PPP1R16A: variants seen among roughly 807,000 people sequenced by gnomAD.
PPP1R16A encodes the protein myosin phosphatase-targeting subunit 3.
In PPP1R16A, 39 loss-of-function variants were observed where a neutral mutation model predicts 46.6. The ratio of observed to expected loss-of-function variants is 0.84; its 90% CI spans 0.65 to 1.09. The LOEUF (loss-of-function observed/expected upper bound fraction) is 1.09. Among genes scored for constraint, PPP1R16A ranks in the 50% least tolerant of loss-of-function variants. PPP1R16A has a pLI of 0.00. For synonymous variants in PPP1R16A, 413 were observed against 321.5 expected, an observed-to-expected ratio of 1.28 and a Z score of -3.04; for missense variants, 798 against 735.6, an observed-to-expected ratio of 1.08 and a Z score of -0.98.
chr8:144,498,712 A>G, intron 3 of PPP1R16A, 58 bp from the exon 4 acceptor site: 2 of 1,500,778 alleles, frequency 1.3e-6, no homozygotes, highest in Non-Finnish European at 1.8e-6. Context: ...GCCGAAGCAC[A>G]GTTGACAGGA....
Position 144,497,254 on chromosome 8 carries a change from G to A in PPP1R16A, c.60G>A (p.Gln20=), listed in dbSNP as rs1378008697. The part of the protein sequence containing the change: ...EMPMVGRMST[Q]ERLKHAQKRR... ...CCATGGTGGGCAGGATGAGCACACAGGAGCGGCTGAAGCATGCCCAGAAGC... is the reference window on the plus strand; with the variant it reads ...CCATGGTGGGCAGGATGAGCACACAAGAGCGGCTGAAGCATGCCCAGAAGC... The change falls in exon 3 of 12, where the codon CAG becomes CAA. Residue 20 remains glutamine (Q), a synonymous_variant. Transcript: ENST00000435887. 1 of 1,608,264 alleles carries A rather than the reference G, an allele frequency of 6.2e-7. No individual in the cohort carries two copies. The highest frequency in any genetic ancestry group is 2.2e-5 in the East Asian group (1 of 44,660).
chr8:144,485,209 T>C (rs1825590301), intron 1 of PPP1R16A, among the ~76,000 whole-genome samples: 1 of 21,824 alleles, frequency 4.6e-5, no homozygotes, highest in Non-Finnish European at 7.5e-5. Flanking sequence ...AAGAATAGAA[T>C]CTCAAAAAAA....
intron 1 of PPP1R16A, 81 bp downstream of exon 1, chr8:144,478,208 C>T (rs1036467606): frequency 5.1e-6 from 2 of 390,134 alleles, no homozygotes; most frequent in Non-Finnish European, 9.1e-6. Flanking sequence ...GTGGCGGGCC[C>T]GGGAAGGAGG....
intron 5 of PPP1R16A, 63 bp from the exon 6 acceptor site, chr8:144,500,033 A>G: frequency 6.5e-7 from 1 of 1,527,894 alleles, no homozygotes; most frequent in Non-Finnish European, 8.9e-7. Context: ...GACTTCTCCA[A>G]GTGAGGAGCC....
chr8:144,480,665 T>C (rs1476687327), intron 1 of PPP1R16A, among the ~76,000 whole-genome samples: 1 of 151,826 alleles, frequency 6.6e-6, no homozygotes, highest in Non-Finnish European at 1.5e-5. Flanking sequence ...TTTGTACTTT[T>C]AGTAGAGATG....
intron 1 of PPP1R16A, among the ~76,000 whole-genome samples, chr8:144,483,312 C>G (rs1460278096): frequency 1.3e-5 from 2 of 152,228 alleles, no homozygotes; most frequent in African/African-American, 4.8e-5. Flanking sequence ...CAAAGGCTTT[C>G]CTCCTGTTTC....
At position 144,499,012 on chromosome 8, in the gene PPP1R16A, G is replaced by GCTGCGGCCAC. The variant is rs756534929; in HGVS notation, c.442_451dup (p.His151ArgfsTer28). The GCTGCGGCCAC allele has an allele frequency of 3.8e-6, 6 of 1,595,088 alleles. No individual in the cohort carries two copies. Among genetic ancestry groups the GCTGCGGCCAC allele is most frequent in the South Asian group, 1.1e-5 (1 of 90,734 alleles). On this transcript the variant is annotated frameshift_variant, in exon 5 of 12. Coordinates refer to ENST00000435887, the MANE Select transcript of PPP1R16A (RefSeq NM_001329443.2). LOFTEE classifies it high-confidence loss of function. Reference sequence around the variant, plus strand: ...CAGTGAGTGCTGGACGCCTCTGCATGCTGCGGCCACCTGCGGCCACCTGCA... The same window carrying GCTGCGGCCAC: ...CAGTGAGTGCTGGACGCCTCTGCATGCTGCGGCCACCTGCGGCCACCTGCGGCCACCTGCA...
chr8:144,484,740 C>T (rs947188630), intron 1 of PPP1R16A, among the ~76,000 whole-genome samples: 5 of 152,196 alleles, frequency 3.3e-5, no homozygotes, highest in Non-Finnish European at 7.3e-5. Context: ...TCATGGTTAG[C>T]GGGCCAGTCC....
At chr8:144,482,783 G>A (rs1304710761) in intron 1 of PPP1R16A, among the ~76,000 whole-genome samples, 1 of 151,976 alleles carries the variant, frequency 6.6e-6, no homozygotes, top group Non-Finnish European at 1.5e-5. Flanking sequence ...CGAGTAGCTG[G>A]GACTACAGGC....
In PPP1R16A at chr8:144,500,828, C is replaced by T. The variant is rs757892583; in HGVS notation, c.908-14C>T. The T allele has an allele frequency of 5.7e-6, 9 of 1,586,780 alleles. No individual in the cohort carries two copies. The highest frequency in any genetic ancestry group is 6.8e-6 in the Non-Finnish European group (8 of 1,167,904). ...GCGGGGAGGGCGCCCCTGACGCCTGCGCCCACTTCTCAGATGTGTGCGGGG... is the reference window on the plus strand; with the variant it reads ...GCGGGGAGGGCGCCCCTGACGCCTGTGCCCACTTCTCAGATGTGTGCGGGG... On this transcript the variant is annotated splice_polypyrimidine_tract_variant and intron_variant, in intron 9 of 11. Coordinates refer to ENST00000435887, the MANE Select transcript of PPP1R16A (RefSeq NM_001329443.2).
chr8:144,499,035 G>T lies in PPP1R16A; in HGVS notation c.450G>T (p.Leu150=), dbSNP rs765095984. 1.9e-6 allele frequency: 3 copies of T among 1,587,100 alleles called. No individual in the cohort carries two copies. The South Asian group carries it at 3.3e-5, about 18-fold the overall frequency. Residue 150 remains leucine (L), a synonymous_variant, in exon 5 of 12, where the codon CTG becomes CTT. Coordinates refer to ENST00000435887, the MANE Select transcript of PPP1R16A (RefSeq NM_001329443.2). ...ATGCTGCGGCCACCTGCGGCCACCT[G>T]CACCTGGTGGAGCTGCTCATCGCCA... is the stretch of plus-strand genomic sequence containing the variant. ...PLHAAATCGH[L]HLVELLIASG...
In PPP1R16A at chr8:144,497,200, C is replaced by T. The variant is rs199970872; in HGVS notation, c.6C>T (p.Ala2=). ...GTGGGCAAGCAGCCGCCGCCATGGCCGAGCACCTGGAGCTGCTGGCAGAGA... is the reference window on the plus strand; with the variant it reads ...GTGGGCAAGCAGCCGCCGCCATGGCTGAGCACCTGGAGCTGCTGGCAGAGA... The part of the protein sequence containing the change: M[A]EHLELLAEMP... The change falls in exon 3 of 12, where the codon GCC becomes GCT. Residue 2 remains alanine, a synonymous_variant. Coordinates refer to ENST00000435887, the MANE Select transcript of PPP1R16A (RefSeq NM_001329443.2). 164 of 1,568,354 alleles carry T rather than the reference C, an allele frequency of 1.0e-4. No individual in the cohort carries two copies. The highest frequency in any genetic ancestry group is 4.1e-4 in the Middle Eastern group (2 of 4,844).
At position 144,500,508 on chromosome 8, in the gene PPP1R16A, G is replaced by A. The variant is rs1444499151; in HGVS notation, c.727G>A (p.Gly243Arg). ...ATLLHVAAAN[G>R]FSEAAALLLE... ...GCAGCTGCACGTCGCAGCCGCCAAC[G>A]GGTTCAGCGAGGCGGCTGCCCTGCT... The change falls in exon 8 of 12, where the codon GGG (glycine) becomes AGG (arginine). Residue 243 changes from glycine to arginine, a missense_variant. Coordinates refer to ENST00000435887, the MANE Select transcript of PPP1R16A (RefSeq NM_001329443.2). 6.3e-7 allele frequency: 1 copy of A among 1,589,004 alleles called. No homozygotes were observed. Among genetic ancestry groups the A allele is most frequent in the Admixed American group, 1.7e-5 (1 of 58,532 alleles).
intron 1 of PPP1R16A, among the ~76,000 whole-genome samples, chr8:144,482,269 C>T (rs373044423): frequency 1.3e-5 from 2 of 152,076 alleles, no homozygotes; most frequent in African/African-American, 2.4e-5. Flanking sequence ...GACGGGGTTT[C>T]TCCATGTTGG....
chr8:144,491,565 T>C (rs543618343), intron 2 of PPP1R16A, among the ~76,000 whole-genome samples: 5 of 152,160 alleles, frequency 3.3e-5, no homozygotes, highest in South Asian at 2.1e-4. Flanking sequence ...AGATCGAGAC[T>C]ATCCTGGCTA....
In PPP1R16A at chr8:144,500,512, T is replaced by A. The variant is rs745822646; in HGVS notation, c.731T>A (p.Phe244Tyr). 32 of 1,589,962 alleles carry A rather than the reference T, an allele frequency of 2.0e-5. No homozygotes were observed. The highest frequency in any genetic ancestry group is 1.7e-4 in the Middle Eastern group (1 of 5,984). Residue 244 changes from phenylalanine to tyrosine, a missense_variant, in exon 8 of 12, where the codon TTC becomes TAC. Phe to Tyr is a conservative substitution (Grantham distance 22, BLOSUM62 3). Transcript: ENST00000435887. Reference protein sequence around the residue: ...TLLHVAAANGFSEAAALLLEH... With the variant: ...TLLHVAAANGYSEAAALLLEH... Reference sequence around the variant, plus strand: ...CTGCACGTCGCAGCCGCCAACGGGTTCAGCGAGGCGGCTGCCCTGCTGCTG... The same window carrying A: ...CTGCACGTCGCAGCCGCCAACGGGTACAGCGAGGCGGCTGCCCTGCTGCTG...
At chr8:144,500,996 CGCCCCGGGCTTGGCCCCGCGGACGTCA>C in intron 10 of PPP1R16A, 25 bp downstream of exon 10, 5 of 1,434,842 alleles carry the variant, frequency 3.5e-6, no homozygotes, top group East Asian at 2.8e-5. Flanking sequence ...CAGCAGGCCC[CGCCCCGGGCTTGGCCCCGCGGACGTCA>C]GCCCCGGGCG....
In PPP1R16A at chr8:144,497,315, GAGA is replaced by G. The variant is rs1826122630; in HGVS notation, c.124_126del (p.Lys42del). 1 of 1,612,616 alleles carries G rather than the reference GAGA, an allele frequency of 6.2e-7. No homozygotes were observed. Among genetic ancestry groups the G allele is most frequent in the Non-Finnish European group, 8.5e-7 (1 of 1,179,830 alleles). ...GCAGGTGAAGATGTGGGCCCAGGCT[GAGA>G]AGGAGGCCCAGGGCAAGAAGGGTCC... On this transcript the variant is annotated inframe_deletion, in exon 3 of 12. Coordinates refer to ENST00000435887, the MANE Select transcript of PPP1R16A (RefSeq NM_001329443.2).
At position 144,501,285 on chromosome 8, in the gene PPP1R16A, GC is replaced by G; in HGVS notation, c.1199del (p.Pro400ArgfsTer16). On this transcript the variant is annotated frameshift_variant, in exon 11 of 12. Coordinates refer to ENST00000435887, the MANE Select transcript of PPP1R16A (RefSeq NM_001329443.2). LOFTEE classifies it low-confidence loss of function (END_TRUNC). Reference protein sequence around the residue: ...RQTGAELRPPPPEEDNPEVVR... With the variant: ...RQTGAELRPPXPEEDNPEVVR... ...AGACAGGCGCAGAGCTCAGGCCGCC[GC>G]CCCCGGAGGTGAGCGCCCCGTCCCT... The G allele has an allele frequency of 6.3e-7, 1 of 1,586,190 alleles. No individual in the cohort carries two copies. The highest frequency in any genetic ancestry group is 8.5e-7 in the Non-Finnish European group (1 of 1,171,514).
Sources: gnomAD v4.1 joint callset for allele counts (sites outside exome capture counted in the v4.1 genomes callset) on GRCh38, gnomAD v4.1.1 for gene constraint, MANE v1.5 for transcripts, NCBI Gene and HGNC (gene_info 2026-07-23, HGNC 2026-07-21) for gene names.